LDB2: variants seen among roughly 807,000 people sequenced by gnomAD.
LDB2 encodes LIM domain binding 2.
A neutral mutation model predicts 44.3 loss-of-function variants in LDB2; 12 were observed. The observed-to-expected ratio is 0.27, with a 90% CI of 0.17 to 0.44. The LOEUF (loss-of-function observed/expected upper bound fraction) is 0.44, where lower values mean the gene tolerates loss of function less well. LDB2 is among the 20% of genes least tolerant of loss of function. The pLI, the probability that LDB2 is intolerant of heterozygous loss-of-function variation, is 1.00. For synonymous variants in LDB2, 164 were observed against 174.8 expected, an observed-to-expected ratio of 0.94 and a Z score of 0.49; for missense variants, 344 against 473.5, an observed-to-expected ratio of 0.73 and a Z score of 2.54.
intron 2 of LDB2, among the ~76,000 whole-genome samples, chr4:16,635,899 G>C (rs1733462850): frequency 6.6e-6 from 1 of 152,122 alleles, no homozygotes; most frequent in Admixed American, 6.5e-5. Context: ...TAAGAGCTTT[G>C]CCTCGCTGGA....
intron 2 of LDB2, among the ~76,000 whole-genome samples, chr4:16,743,534 T>C (rs1486473671): frequency 6.6e-6 from 1 of 151,940 alleles, no homozygotes; most frequent in East Asian, 1.9e-4. Context: ...AAAAGAGAGA[T>C]TTTCCTGGGC....
chr4:16,870,854 G>A (rs530539234), intron 1 of LDB2, among the ~76,000 whole-genome samples: 68 of 152,118 alleles, frequency 4.5e-4, no homozygotes, highest in East Asian at 3.3e-3. Context: ...GGCTGGTCTC[G>A]AACTCCTGAC....
intron 1 of LDB2, among the ~76,000 whole-genome samples, chr4:16,892,682 G>A (rs1310152068): frequency 6.6e-6 from 1 of 152,152 alleles, no homozygotes; most frequent in East Asian, 1.9e-4. Context: ...TGCTTGTTCA[G>A]AAAGCGGGTG....
intron 1 of LDB2, among the ~76,000 whole-genome samples, chr4:16,786,095 A>T (rs921237381): frequency 3.8e-4 from 58 of 152,320 alleles, no homozygotes; most frequent in African/African-American, 1.4e-3. Context: ...CCTTAAGAAG[A>T]AAGTTTAAAC....
At chr4:16,714,121 C>A (rs1279495541) in intron 2 of LDB2, among the ~76,000 whole-genome samples, 3 of 152,142 alleles carry the variant, frequency 2.0e-5, no homozygotes, top group Admixed American at 2.0e-4. Flanking sequence ...TGAGCAGGAA[C>A]CAAAAAGGTG....
At chr4:16,860,737 ACT>A (rs1447922371) in intron 1 of LDB2, among the ~76,000 whole-genome samples, 11 of 152,188 alleles carry the variant, frequency 7.2e-5, no homozygotes, top group African/African-American at 2.7e-4. Flanking sequence ...TCAATGAGAG[ACT>A]CTATAATGCT....
intron 2 of LDB2, among the ~76,000 whole-genome samples, chr4:16,734,713 T>G (rs1479509243): frequency 6.8e-6 from 1 of 147,836 alleles, no homozygotes; most frequent in African/African-American, 2.5e-5. Flanking sequence ...CTTTTTTTTT[T>G]TTTTTTTTTT....
intron 5 of LDB2, among the ~76,000 whole-genome samples, chr4:16,554,977 G>A (rs1739004995): frequency 6.6e-6 from 1 of 152,194 alleles, no homozygotes; most frequent in South Asian, 2.1e-4. Context: ...TGCCACATTG[G>A]TGGGGGATGC....
At chr4:16,749,417 G>C (rs887429897) in intron 2 of LDB2, among the ~76,000 whole-genome samples, 1 of 151,500 alleles carries the variant, frequency 6.6e-6, no homozygotes, top group Non-Finnish European at 1.5e-5. Context: ...AATTAGCCGG[G>C]TGTGGTTGTG....
At chr4:16,673,797 C>T (rs990050274) in intron 2 of LDB2, among the ~76,000 whole-genome samples, 8 of 152,178 alleles carry the variant, frequency 5.3e-5, no homozygotes, top group Non-Finnish European at 4.4e-5. Context: ...AAAAACTATC[C>T]AGTCCAGAAT....
chr4:16,746,697 G>C (rs1465857502), intron 2 of LDB2, among the ~76,000 whole-genome samples: 1 of 152,210 alleles, frequency 6.6e-6, no homozygotes, highest in South Asian at 2.1e-4. Flanking sequence ...TGAGGCAGGA[G>C]AATCACTTGA....
At chr4:16,694,831 A>G (rs1751720891) in intron 2 of LDB2, among the ~76,000 whole-genome samples, 1 of 152,216 alleles carries the variant, frequency 6.6e-6, no homozygotes, top group African/African-American at 2.4e-5. Flanking sequence ...ACGCAGGTAA[A>G]CACAGGACAG....
intron 1 of LDB2, among the ~76,000 whole-genome samples, chr4:16,851,892 T>A (rs998323234): frequency 6.6e-6 from 1 of 152,180 alleles, no homozygotes; most frequent in South Asian, 2.1e-4. Flanking sequence ...CTGAGAAACA[T>A]GAGCCACAAG....
intron 1 of LDB2, among the ~76,000 whole-genome samples, chr4:16,794,227 C>A (rs1561252697): frequency 6.6e-6 from 1 of 152,226 alleles, no homozygotes; most frequent in Admixed American, 6.5e-5. Flanking sequence ...TTGGTTTACA[C>A]CCCCTAAAAT....
chr4:16,879,477 T>A (rs1315341826), intron 1 of LDB2, among the ~76,000 whole-genome samples: 1 of 152,192 alleles, frequency 6.6e-6, no homozygotes, highest in Non-Finnish European at 1.5e-5. Context: ...CACCATTCAA[T>A]CTATAGAAGG....
chr4:16,606,863 T>G (rs1346537533), intron 2 of LDB2, among the ~76,000 whole-genome samples: 2 of 152,228 alleles, frequency 1.3e-5, no homozygotes, highest in Admixed American at 1.3e-4. Context: ...GTCATTGAAT[T>G]TTGTGTTTTA....
intron 5 of LDB2, among the ~76,000 whole-genome samples, chr4:16,540,517 C>A (rs1239409603): frequency 6.6e-6 from 1 of 151,846 alleles, no homozygotes; most frequent in Non-Finnish European, 1.5e-5. Context: ...TTCCCAACAA[C>A]TGTCCCTTTC....
At chr4:16,561,583 G>C in intron 5 of LDB2, among the ~76,000 whole-genome samples, 1 of 152,124 alleles carries the variant, frequency 6.6e-6, no homozygotes, top group East Asian at 1.9e-4. Flanking sequence ...ACAAACAAAT[G>C]GAAGAACATT....
intron 2 of LDB2, among the ~76,000 whole-genome samples, chr4:16,637,809 G>C (rs1421755497): frequency 2.0e-5 from 3 of 152,082 alleles, no homozygotes; most frequent in Admixed American, 1.3e-4. Flanking sequence ...TCCACCAAGA[G>C]AGGGTCATAG....
Sources: gnomAD v4.1 joint callset for allele counts (sites outside exome capture counted in the v4.1 genomes callset) on GRCh38, gnomAD v4.1.1 for gene constraint, MANE v1.5 for transcripts, NCBI Gene and HGNC (gene_info 2026-07-23, HGNC 2026-07-21) for gene names.